DRC10: variants seen among roughly 807,000 people sequenced by gnomAD.
The protein encoded by DRC10 is IQ domain-containing protein D.
chr12:113,216,267 G>A, the DRC10 span, among the ~76,000 whole-genome samples: 8 of 152,186 alleles, frequency 5.3e-5, no homozygotes, highest in African/African-American at 1.9e-4. Flanking sequence ...AGTGAAAGAA[G>A]CCAATCTGAA....
At chr12:113,208,090 G>T in the DRC10 span, 2 of 1,614,236 alleles carry the variant, frequency 1.2e-6, no homozygotes, top group Non-Finnish European at 1.7e-6. Flanking sequence ...CCTTTTAGAT[G>T]GGTCTGTCTT....
At chr12:113,204,935 AAAAT>A in the DRC10 span, among the ~76,000 whole-genome samples, 1 of 151,774 alleles carries the variant, frequency 6.6e-6, no homozygotes, top group East Asian at 2.0e-4. Context: ...CAAAAAAAAA[AAAAT>A]AGTTCGCTGA....
chr12:113,195,865 C>T, the DRC10 span: 6 of 1,611,578 alleles, frequency 3.7e-6, no homozygotes, highest in Middle Eastern at 1.7e-4. Flanking sequence ...TCCCTGTGAA[C>T]AGCGTCCAGA....
At chr12:113,195,999 C>T in the DRC10 span, 1 of 1,426,106 alleles carries the variant, frequency 7.0e-7, no homozygotes, top group East Asian at 2.5e-5. Flanking sequence ...AGCGATGCCC[C>T]TAAGCTAAGC....
At chr12:113,200,167 A>G in the DRC10 span, 2 of 346,634 alleles carry the variant, frequency 5.8e-6, no homozygotes, top group Admixed American at 4.1e-5. Flanking sequence ...GAGGTGTGAA[A>G]TCGGCAGCTG....
At chr12:113,213,839 G>T in the DRC10 span, among the ~76,000 whole-genome samples, 149 of 152,268 alleles carry the variant, frequency 9.8e-4, no homozygotes, top group African/African-American at 3.4e-3. Flanking sequence ...GGCACCTGTG[G>T]AGGCTGAGGC....
the DRC10 span, chr12:113,195,860 G>A: frequency 3.7e-6 from 6 of 1,612,250 alleles, no homozygotes; most frequent in Admixed American, 1.0e-4. Flanking sequence ...TCTCCTCCCT[G>A]TGAACAGCGT....
At chr12:113,196,151 T>TCCCAGCTCTGC in the DRC10 span, among the ~76,000 whole-genome samples, 2 of 152,166 alleles carry the variant, frequency 1.3e-5, no homozygotes, top group Non-Finnish European at 2.9e-5. Flanking sequence ...TAGTTTTAAG[T>TCCCAGCTCTGC]CCCAGCTCTG....
chr12:113,205,510 T>C, the DRC10 span, among the ~76,000 whole-genome samples: 32 of 152,174 alleles, frequency 2.1e-4, no homozygotes, highest in Admixed American at 1.5e-3. Context: ...TTCCTCCCAG[T>C]CTAATTCAGA....
chr12:113,203,777 ATTTTTTTTTTTTTT>A, the DRC10 span, among the ~76,000 whole-genome samples: 1 of 96,970 alleles, frequency 1.0e-5, no homozygotes, highest in Non-Finnish European at 1.9e-5. Flanking sequence ...TGCCCAGCTA[ATTTTTTTTTTTTTT>A]TTTTTTTTTT....
the DRC10 span, among the ~76,000 whole-genome samples, chr12:113,197,786 C>T: frequency 6.6e-6 from 1 of 152,216 alleles, no homozygotes; most frequent in Non-Finnish European, 1.5e-5. Context: ...GACATGCTAT[C>T]TTACTTGCCC....
At chr12:113,208,912 G>C in the DRC10 span, among the ~76,000 whole-genome samples, 3 of 152,146 alleles carry the variant, frequency 2.0e-5, no homozygotes. Context: ...CATTTTCACT[G>C]ATTTTAAAGT....
chr12:113,217,973 G>A, the DRC10 span, among the ~76,000 whole-genome samples: 1 of 152,168 alleles, frequency 6.6e-6, no homozygotes, highest in Non-Finnish European at 1.5e-5. Flanking sequence ...GGCAATAATC[G>A]GGAGATGCAT....
the DRC10 span, chr12:113,207,580 T>G: frequency 1.9e-6 from 3 of 1,614,144 alleles, no homozygotes; most frequent in Non-Finnish European, 8.5e-7. Context: ...GAGTAGTTTT[T>G]CAAACAGGAA....
the DRC10 span, among the ~76,000 whole-genome samples, chr12:113,205,381 A>T: frequency 6.6e-6 from 1 of 152,010 alleles, no homozygotes. Flanking sequence ...AAAAATAAAA[A>T]AATTAGCTGG....
the DRC10 span, among the ~76,000 whole-genome samples, chr12:113,204,474 TGTATTTGTAA>T: frequency 6.6e-6 from 1 of 152,232 alleles, no homozygotes; most frequent in Non-Finnish European, 1.5e-5. Context: ...GCCAGCCACT[TGTATTTGTAA>T]GTAAAGTTTT....
At chr12:113,220,695 C>T in the DRC10 span, among the ~76,000 whole-genome samples, 1 of 152,128 alleles carries the variant, frequency 6.6e-6, no homozygotes, top group Non-Finnish European at 1.5e-5. Flanking sequence ...ACCCACAGCT[C>T]CCATGTTTGA....
the DRC10 span, among the ~76,000 whole-genome samples, chr12:113,199,785 A>G: frequency 6.6e-6 from 1 of 151,928 alleles, no homozygotes; most frequent in African/African-American, 2.4e-5. Flanking sequence ...TGGCACAGTT[A>G]TAGTTCACTG....
the DRC10 span, chr12:113,200,689 C>G: frequency 6.5e-7 from 1 of 1,536,182 alleles, no homozygotes; most frequent in South Asian, 1.2e-5. Context: ...CTGTGATGCC[C>G]GGAAATCGGC....
Sources: allele counts gnomAD v4.1 joint callset (sites outside exome capture counted in the v4.1 genomes callset), GRCh38; gene constraint gnomAD v4.1.1; transcripts MANE v1.5; gene names NCBI Gene and HGNC (gene_info 2026-07-23, HGNC 2026-07-21).